The following DCAF12 variants were observed in gnomAD, a reference collection of about 807,000 sequenced individuals.
DCAF12 encodes DDB1- and CUL4-associated factor 12.
In DCAF12, 28 loss-of-function variants were observed where a neutral mutation model predicts 52.8. That is an observed-to-expected ratio of 0.53 (90% CI 0.39 to 0.73). The LOEUF is 0.73. Among genes scored for constraint, DCAF12 ranks in the 30% least tolerant of loss-of-function variants. The pLI is 0.00. For synonymous variants in DCAF12, 196 were observed against 215.5 expected (o/e 0.91, Z 0.79); for missense variants, 425 against 552.2 (o/e 0.77, Z 2.31).
chr9:34,123,266 A>C (rs1480808050), intron 2 of DCAF12, among the ~76,000 whole-genome samples: 1 of 152,192 alleles, frequency 6.6e-6, no homozygotes, highest in Non-Finnish European at 1.5e-5. Flanking sequence ...AGACAATTCC[A>C]ATTTTTAAAT....
At chr9:34,097,887 C>A (rs117914026) in intron 5 of DCAF12, among the ~76,000 whole-genome samples, 1 of 149,276 alleles carries the variant, frequency 6.7e-6, no homozygotes, top group Admixed American at 6.8e-5. Flanking sequence ...GAGCTGAGAT[C>A]GTGCCATTGC....
At chr9:34,106,628 G>C in intron 3 of DCAF12, 134 bp from the exon 4 acceptor site, 1 of 675,836 alleles carries the variant, frequency 1.5e-6, no homozygotes, top group Non-Finnish European at 2.5e-6. Context: ...TCTGATCTCT[G>C]GTGGTCTCAA....
chr9:34,126,222 G>A (rs1226132517), intron 1 of DCAF12, 132 bp downstream of exon 1: 6 of 1,141,388 alleles, frequency 5.3e-6, no homozygotes, highest in South Asian at 1.3e-5. Flanking sequence ...GACCCTATAG[G>A]CCCTGAACCC....
intron 2 of DCAF12, chr9:34,109,435 C>T (rs575739711): frequency 5.2e-6 from 1 of 193,346 alleles, no homozygotes; most frequent in South Asian, 1.1e-4. Flanking sequence ...ATGTTACAGA[C>T]AGCTGTTTTC....
At chr9:34,114,868 G>A (rs964198111) in intron 2 of DCAF12, among the ~76,000 whole-genome samples, 1 of 152,122 alleles carries the variant, frequency 6.6e-6, no homozygotes. Flanking sequence ...TTGGGAGGCT[G>A]AAGCATGAGG....
rs1279581310 is a variant in DCAF12 at position 34,126,206 on chromosome 9, A to C, written c.78+148T>G. On this transcript the variant is annotated intron_variant, in intron 1 of 8. Coordinates refer to ENST00000361264, the MANE Select transcript of DCAF12 (RefSeq NM_015397.4). ...TCTGCCCTCCAGTTAACGAGGGTCCAGTCCTGACCCTATAGGCCCTGAACC... is the reference window on the plus strand; with the variant it reads ...TCTGCCCTCCAGTTAACGAGGGTCCCGTCCTGACCCTATAGGCCCTGAACC... The C allele has an allele frequency of 1.3e-5, 13 of 978,222 alleles. No individual in the cohort carries two copies. The South Asian group carries it at 1.9e-4, about 14-fold the overall frequency. 60.6% of individuals were successfully genotyped at this position (978,222 alleles called of 1,614,324 possible).
chr9:34,120,465 G>A (rs992358593), intron 2 of DCAF12, among the ~76,000 whole-genome samples: 2 of 151,686 alleles, frequency 1.3e-5, no homozygotes, highest in Non-Finnish European at 2.9e-5. Flanking sequence ...GAGGTCAGGC[G>A]TTTGAGACCA....
At chr9:34,105,111 G>C (rs1337364551) in intron 4 of DCAF12, among the ~76,000 whole-genome samples, 1 of 151,926 alleles carries the variant, frequency 6.6e-6, no homozygotes, top group African/African-American at 2.4e-5. Context: ...AAATTAGCCT[G>C]GCGTGGTGGT....
rs931453409 is a variant in DCAF12, at chr9:34,113,099, G to A, written c.334-5534C>T. 1.1e-4 allele frequency among the ~76,000 whole-genome samples: 17 copies of A among 152,058 alleles called. No homozygotes were observed. The East Asian group carries it at 1.6e-3, about 14-fold the overall frequency. On this transcript the variant is annotated intron_variant, in intron 2 of 8. Transcript: ENST00000361264. ...CAGTCTCATTCTTGTTGCCCAGGCT[G>A]GAGTGCAATGGCATGATCTTGGCTC...
At chr9:34,110,318 C>T (rs1292747136) in intron 2 of DCAF12, among the ~76,000 whole-genome samples, 1 of 152,136 alleles carries the variant, frequency 6.6e-6, no homozygotes, top group Non-Finnish European at 1.5e-5. Context: ...GGATTTTATC[C>T]TAAATTACTC....
At chr9:34,106,573 GA>G (rs2131434577) in intron 3 of DCAF12, 79 bp from the exon 4 acceptor site, 1 of 1,197,772 alleles carries the variant, frequency 8.3e-7, no homozygotes, top group African/African-American at 1.5e-5. Context: ...ACTCTCTAAA[GA>G]AGCATACAAG....
At chr9:34,095,118 A>G (rs1828715244) in intron 6 of DCAF12, among the ~76,000 whole-genome samples, 3 of 151,310 alleles carry the variant, frequency 2.0e-5, no homozygotes, top group Non-Finnish European at 4.4e-5. Context: ...CTCTGTTGCC[A>G]GGCTGGAGTG....
intron 2 of DCAF12, among the ~76,000 whole-genome samples, chr9:34,121,434 C>T (rs946184168): frequency 1.3e-5 from 2 of 152,148 alleles, no homozygotes; most frequent in African/African-American, 4.8e-5. Flanking sequence ...AGAGGTCCCT[C>T]GCTCTCTTAT....
At chr9:34,121,343 A>T (rs1308760094) in intron 2 of DCAF12, among the ~76,000 whole-genome samples, 1 of 152,218 alleles carries the variant, frequency 6.6e-6, no homozygotes, top group Non-Finnish European at 1.5e-5. Context: ...CATCTGGAGC[A>T]AAGTGCTATA....
At position 34,088,237 on chromosome 9, in the gene DCAF12, G is replaced by T; in HGVS notation, c.*113C>A. 1.7e-6 allele frequency: 2 copies of T among 1,207,324 alleles called. No individual in the cohort carries two copies. Among genetic ancestry groups the T allele is most frequent in the Non-Finnish European group, 2.3e-6 (2 of 883,450 alleles). The allele number at this position is 1,207,324 out of a possible 1,614,324, so 74.8% of individuals were successfully genotyped here. Reference sequence around the variant, plus strand: ...AGTGCCTAAACTATAGGCAAACTTTGGTGTTCCCACTAAAACACAAGAGCC... The same window carrying T: ...AGTGCCTAAACTATAGGCAAACTTTTGTGTTCCCACTAAAACACAAGAGCC... On this transcript the variant is annotated 3_prime_UTR_variant, in exon 9 of 9. Coordinates refer to ENST00000361264, the MANE Select transcript of DCAF12 (RefSeq NM_015397.4).
intron 2 of DCAF12, among the ~76,000 whole-genome samples, chr9:34,117,933 A>G (rs543067026): frequency 2.5e-4 from 38 of 152,302 alleles, no homozygotes; most frequent in Non-Finnish European, 4.4e-4. Context: ...AAACAAAAAA[A>G]GAAATTATTC....
intron 4 of DCAF12, among the ~76,000 whole-genome samples, chr9:34,098,831 C>A (rs950282909): frequency 6.6e-6 from 1 of 151,730 alleles, no homozygotes; most frequent in Non-Finnish European, 1.5e-5. Context: ...TGCAGTGGTG[C>A]GATCTCAGCT....
intron 2 of DCAF12, among the ~76,000 whole-genome samples, chr9:34,115,302 T>A (rs142999280): frequency 7.5e-4 from 92 of 122,208 alleles, no homozygotes; most frequent in African/African-American, 2.6e-3. Flanking sequence ...ATTAAAAATA[T>A]GTATAGCGGC....
Position 34,089,503 on chromosome 9 carries a change from C to G in DCAF12, c.1112G>C (p.Arg371Thr). Residue 371 changes from arginine to threonine, a missense_variant, in exon 8 of 9, where the codon AGA (arginine) becomes ACA (threonine). Around this residue, in one of 3 missense-constraint regions of DCAF12, gnomAD observed 328 missense variants for 444.4 expected, o/e 0.74. Coordinates refer to ENST00000361264, the MANE Select transcript of DCAF12 (RefSeq NM_015397.4). ...SLLFYDIRAQRFLEERLSACY... is the reference protein window; with the variant it reads ...SLLFYDIRAQTFLEERLSACY... The stretch of plus-strand genomic sequence containing the variant: ...AGCTGAGAGCCTCTCTTCCAGAAAT[C>G]TCTGAGCTCGGATGTCATAGAACAG... 1 of 1,614,178 alleles carries G rather than the reference C, an allele frequency of 6.2e-7. No individual in the cohort carries two copies. The highest frequency in any genetic ancestry group is 8.5e-7 in the Non-Finnish European group (1 of 1,180,036).
Sources: gnomAD v4.1 joint callset for allele counts (sites outside exome capture counted in the v4.1 genomes callset) on GRCh38, gnomAD v4.1.1 for gene constraint, gnomAD v4.1.1 regional missense constraint, MANE v1.5 for transcripts, NCBI Gene and HGNC (gene_info 2026-07-23, HGNC 2026-07-21) for gene names.